Variants in IMMP2L observed in about 807,000 individuals in gnomAD.
The protein encoded by IMMP2L is inner mitochondrial membrane peptidase subunit 2.
A neutral mutation model predicts 19.3 loss-of-function variants in IMMP2L; 18 were observed. The ratio of observed to expected loss-of-function variants is 0.93; its 90% CI spans 0.64 to 1.38. IMMP2L has a LOEUF of 1.38. IMMP2L is among the 40% of genes most tolerant of loss of function. The probability of loss-of-function intolerance (pLI) is 0.00; values close to 1 mark genes in which losing one functional copy is unlikely to be tolerated. For synonymous variants in IMMP2L, 76 were observed against 73.0 expected (o/e 1.04, Z -0.21); for missense variants, 233 against 218.2 (o/e 1.07, Z -0.43).
chr7:111,140,432 G>C (rs756877033), intron 3 of IMMP2L, among the ~76,000 whole-genome samples: 1 of 152,174 alleles, frequency 6.6e-6, no homozygotes, highest in South Asian at 2.1e-4. Flanking sequence ...GATATTTTCT[G>C]CATGCCCATT....
intron 3 of IMMP2L, among the ~76,000 whole-genome samples, chr7:111,012,022 T>A (rs1267873059): frequency 6.6e-6 from 1 of 152,110 alleles, no homozygotes; most frequent in Non-Finnish European, 1.5e-5. Context: ...GGTAAGTATG[T>A]CCATTTTCAT....
At chr7:111,401,111 G>T (rs1209843941) in intron 3 of IMMP2L, among the ~76,000 whole-genome samples, 1 of 152,082 alleles carries the variant, frequency 6.6e-6, no homozygotes, top group Non-Finnish European at 1.5e-5. Flanking sequence ...GAGAGCATGT[G>T]GTGAGATTGT....
chr7:111,132,434 T>C (rs1801937844), intron 3 of IMMP2L, among the ~76,000 whole-genome samples: 1 of 151,996 alleles, frequency 6.6e-6, no homozygotes, highest in African/African-American at 2.4e-5. Flanking sequence ...AGAAGGTACA[T>C]CCTGCATAAA....
intron 5 of IMMP2L, among the ~76,000 whole-genome samples, chr7:110,761,344 A>G (rs895507981): frequency 1.3e-5 from 2 of 152,142 alleles, no homozygotes; most frequent in South Asian, 4.1e-4. Context: ...CCAATGATCA[A>G]TGATGTCCTT....
intron 5 of IMMP2L, among the ~76,000 whole-genome samples, chr7:110,867,729 C>T (rs1028747403): frequency 6.6e-6 from 1 of 151,958 alleles, no homozygotes; most frequent in African/African-American, 2.4e-5. Context: ...AAAGCAGCTG[C>T]CAATCCAGCT....
chr7:111,400,026 C>T (rs997119957), intron 3 of IMMP2L, among the ~76,000 whole-genome samples: 8 of 152,060 alleles, frequency 5.3e-5, no homozygotes, highest in Non-Finnish European at 1.0e-4. Flanking sequence ...TTTTCTGAGT[C>T]CTTAGTCCCA....
chr7:111,089,886 T>G (rs1717729799), intron 3 of IMMP2L, among the ~76,000 whole-genome samples: 1 of 151,968 alleles, frequency 6.6e-6, no homozygotes. Context: ...ATTATTATTA[T>G]AATAACTGCA....
intron 5 of IMMP2L, among the ~76,000 whole-genome samples, chr7:110,722,815 T>C (rs974824661): frequency 6.6e-6 from 1 of 152,098 alleles, no homozygotes; most frequent in Non-Finnish European, 1.5e-5. Context: ...AGAATACAGA[T>C]GCTAGAAGGA....
chr7:111,131,050 A>G (rs1021814884), intron 3 of IMMP2L, among the ~76,000 whole-genome samples: 1 of 152,076 alleles, frequency 6.6e-6, no homozygotes, highest in Non-Finnish European at 1.5e-5. Flanking sequence ...ATGAATTCAT[A>G]TAAGTATATG....
intron 1 of IMMP2L, among the ~76,000 whole-genome samples, chr7:111,539,210 GAAAGAA>G (rs1563330926): frequency 0.011 from 769 of 67,812 alleles, 50 homozygotes; most frequent in East Asian, 0.015. Flanking sequence ...AAGAAAGAAA[GAAAGAA>G]AGAAAGAAAG....
intron 3 of IMMP2L, among the ~76,000 whole-genome samples, chr7:110,990,945 A>G (rs905213203): frequency 1.3e-5 from 2 of 152,180 alleles, no homozygotes; most frequent in South Asian, 2.1e-4. Context: ...TTAATAGCAC[A>G]TTTTAATGCC....
chr7:111,391,705 G>A, intron 3 of IMMP2L: 1 of 508,736 alleles, frequency 2.0e-6, no homozygotes, highest in South Asian at 3.4e-5. Context: ...ATCCAAAGAT[G>A]CAAATTTTTT....
intron 5 of IMMP2L, among the ~76,000 whole-genome samples, chr7:110,868,708 T>C (rs1471748138): frequency 6.6e-6 from 1 of 152,094 alleles, no homozygotes; most frequent in Non-Finnish European, 1.5e-5. Context: ...CCAGCAACTG[T>C]CTTTAAATGA....
intron 5 of IMMP2L, among the ~76,000 whole-genome samples, chr7:110,776,169 C>G (rs117653989): frequency 6.6e-6 from 1 of 151,564 alleles, no homozygotes; most frequent in African/African-American, 2.4e-5. Flanking sequence ...ATTAGTAATT[C>G]CCACTCCAGG....
At chr7:111,273,722 T>C (rs1445861755) in intron 3 of IMMP2L, among the ~76,000 whole-genome samples, 1 of 152,046 alleles carries the variant, frequency 6.6e-6, no homozygotes, top group Non-Finnish European at 1.5e-5. Flanking sequence ...GTTAGGAACA[T>C]TCAAGGCTCA....
At chr7:110,959,912 C>G (rs1818756579) in intron 4 of IMMP2L, among the ~76,000 whole-genome samples, 1 of 152,070 alleles carries the variant, frequency 6.6e-6, no homozygotes, top group East Asian at 1.9e-4. Flanking sequence ...TTTACATGTG[C>G]TGAGGAAAGC....
intron 4 of IMMP2L, among the ~76,000 whole-genome samples, chr7:110,937,679 A>G (rs1183692198): frequency 6.6e-6 from 1 of 152,166 alleles, no homozygotes; most frequent in African/African-American, 2.4e-5. Context: ...GACTCATTAT[A>G]CTTCGCAAAG....
rs115380953 is a variant in IMMP2L at position 111,390,972 on chromosome 7, C to T, written c.239+96266G>A. On this transcript the variant is annotated intron_variant, in intron 3 of 5. Transcript: ENST00000405709. ...ACCTGTAATATCACTCCTTACTTCA[C>T]TACTAAAATATATTCAACTAACATA... 8.9e-3 allele frequency among the ~76,000 whole-genome samples: 1,359 copies of T among 152,202 alleles called. 27 individuals are homozygous for T. The highest frequency in any genetic ancestry group is 0.031 in the African/African-American group (1,303 of 41,538).
At chr7:111,317,174 TTAAG>T (rs1252429878) in intron 3 of IMMP2L, among the ~76,000 whole-genome samples, 1 of 152,060 alleles carries the variant, frequency 6.6e-6, no homozygotes, top group Non-Finnish European at 1.5e-5. Flanking sequence ...CTCAACGTGG[TTAAG>T]TGAGTTTGGA....
Sources: gnomAD v4.1 joint callset for allele counts (sites outside exome capture counted in the v4.1 genomes callset) on GRCh38, gnomAD v4.1.1 for gene constraint, MANE v1.5 for transcripts, NCBI Gene and HGNC (gene_info 2026-07-23, HGNC 2026-07-21) for gene names.